LIG1: variants seen among roughly 807,000 people sequenced by gnomAD.
LIG1 encodes ligase I, DNA, ATP-dependent.
Under a neutral mutation model 115.7 loss-of-function variants are expected in LIG1, and 70 were observed. That is an observed-to-expected ratio of 0.60 (90% CI 0.50 to 0.74). The LOEUF (loss-of-function observed/expected upper bound fraction) is 0.74, where lower values mean the gene tolerates loss of function less well. LIG1 is among the 30% of genes least tolerant of loss of function. The pLI is 0.00. For synonymous variants in LIG1, 487 were observed against 495.3 expected (o/e 0.98, Z 0.22); for missense variants, 1,115 against 1,225.6 (o/e 0.91, Z 1.35).
intron 19 of LIG1, among the ~76,000 whole-genome samples, chr19:48,129,508 T>C (rs2033881296): frequency 6.6e-6 from 1 of 152,210 alleles, no homozygotes; most frequent in Admixed American, 6.5e-5. Flanking sequence ...GCAGGCCTGT[T>C]ACACTCCCAG....
intron 19 of LIG1, among the ~76,000 whole-genome samples, chr19:48,129,970 G>A (rs1467311339): frequency 6.6e-6 from 1 of 152,102 alleles, no homozygotes; most frequent in Non-Finnish European, 1.5e-5. Context: ...CAGCCAGGCT[G>A]GTCTTGAACT....
intron 10 of LIG1, 92 bp from the exon 11 acceptor site, chr19:48,143,691 C>T: frequency 1.6e-6 from 2 of 1,212,886 alleles, no homozygotes; most frequent in Non-Finnish European, 2.5e-6. Context: ...CTCCTCGGGA[C>T]ACCCTTGCCA....
intron 21 of LIG1, 88 bp downstream of exon 21, chr19:48,127,189 C>T (rs2033725303): frequency 6.5e-6 from 7 of 1,081,322 alleles, no homozygotes; most frequent in South Asian, 2.5e-5. Flanking sequence ...GTGGCAGAGT[C>T]GGAAATGGAA....
intron 1 of LIG1, among the ~76,000 whole-genome samples, chr19:48,167,781 G>A (rs1480030890): frequency 6.8e-6 from 1 of 147,534 alleles, no homozygotes; most frequent in Non-Finnish European, 1.5e-5. Context: ...AGCTGAGACT[G>A]CACCACTGGA....
At chr19:48,155,746 G>T (rs749780221) in intron 5 of LIG1, among the ~76,000 whole-genome samples, 1 of 152,148 alleles carries the variant, frequency 6.6e-6, no homozygotes, top group Non-Finnish European at 1.5e-5. Flanking sequence ...AAAATCCAAT[G>T]AACTCACTGC....
chr19:48,126,795 G>A (rs2033698633), intron 21 of LIG1, among the ~76,000 whole-genome samples: 1 of 150,534 alleles, frequency 6.6e-6, no homozygotes, highest in South Asian at 2.1e-4. Context: ...TATTGCCCAG[G>A]CTGGTCTTGA....
chr19:48,115,661 T>G lies in LIG1; in HGVS notation c.2748A>C (p.Glu916Asp), dbSNP rs1600294599. 6.2e-7 allele frequency: 1 copy of G among 1,613,696 alleles called. No homozygotes were observed. Among genetic ancestry groups the G allele is most frequent in the Non-Finnish European group, 8.5e-7 (1 of 1,179,536 alleles). The change falls in exon 28 of 28, where the codon GAA (glutamate) becomes GAC (aspartate). Residue 916 changes from glutamate (E) to aspartate (D), a missense_variant. Coordinates refer to ENST00000263274, the MANE Select transcript of LIG1 (RefSeq NM_000234.3). ...GGAGGGCGAGGGCTTAGTAGGTATC[T>G]TCAGGGTCAGAGCCTGAGTCCTCGC... ...QQGEDSGSDPEDTY is the reference protein window; with the variant it reads ...QQGEDSGSDPDDTY
intron 4 of LIG1, among the ~76,000 whole-genome samples, chr19:48,160,270 A>G (rs2036098152): frequency 6.6e-6 from 1 of 152,216 alleles, no homozygotes; most frequent in Non-Finnish European, 1.5e-5. Context: ...AGTTTCGCTG[A>G]GGAAGTGATA....
chr19:48,151,480 A>G (rs3730903), intron 6 of LIG1, 141 bp from the exon 7 acceptor site: 7,073 of 642,376 alleles, frequency 0.011, 379 homozygotes, highest in African/African-American at 0.11. Context: ...CCCAGGCTGG[A>G]GTGCAATGGT....
chr19:48,121,225 C>G lies in LIG1; in HGVS notation c.2330G>C (p.Gly777Ala), dbSNP rs761317989. 1 of 1,614,024 alleles carries G rather than the reference C, an allele frequency of 6.2e-7. No individual in the cohort carries two copies. Among genetic ancestry groups the G allele is most frequent in the South Asian group, 1.1e-5 (1 of 91,086 alleles). The part of the protein sequence containing the change: ...GRGKRAGRYG[G>A]FLLASYDEDS... ...CTCGTCGTAGGAGGCCAGCAGGAAGCCCCCGTACCGGCCGGCCCGCTTCCC... is the reference window on the plus strand; with the variant it reads ...CTCGTCGTAGGAGGCCAGCAGGAAGGCCCCGTACCGGCCGGCCCGCTTCCC... The change falls in exon 24 of 28, where the codon GGC becomes GCC. Residue 777 changes from glycine (G) to alanine (A), a missense_variant. Transcript: ENST00000263274.
At chr19:48,119,219 C>G in intron 24 of LIG1, 29 bp from the exon 25 acceptor site, 2 of 1,563,394 alleles carry the variant, frequency 1.3e-6, no homozygotes, top group Non-Finnish European at 8.7e-7. Flanking sequence ...AGGTCAGAGG[C>G]TCAGCCAGCC....
At chr19:48,148,342 C>T (rs929269539) in intron 9 of LIG1, among the ~76,000 whole-genome samples, 3 of 151,904 alleles carry the variant, frequency 2.0e-5, no homozygotes, top group Admixed American at 6.6e-5. Context: ...GGCTTGGTGG[C>T]GAGGCACCTG....
intron 21 of LIG1, among the ~76,000 whole-genome samples, chr19:48,125,259 G>A (rs2033586956): frequency 6.6e-6 from 1 of 152,172 alleles, no homozygotes; most frequent in Non-Finnish European, 1.5e-5. Context: ...GAGCAGGGAT[G>A]ATCAAATCCT....
At chr19:48,135,852 T>G (rs2034346845) in intron 15 of LIG1, 73 bp from the exon 16 acceptor site, 2 of 1,392,010 alleles carry the variant, frequency 1.4e-6, no homozygotes, top group Non-Finnish European at 2.0e-6. Flanking sequence ...GTGGGTGGTT[T>G]GCTGTATGGC....
At chr19:48,134,328 G>T (rs274893) in intron 16 of LIG1, among the ~76,000 whole-genome samples, 75,917 of 151,946 alleles carry the variant, frequency 0.5, 19,247 homozygotes, top group East Asian at 0.67. Flanking sequence ...CGGCTACACA[G>T]GAGACCACTC....
chr19:48,133,277 T>G (rs2288883), intron 17 of LIG1, 180 bp from the exon 18 acceptor site: 212,922 of 604,942 alleles, frequency 0.35, 40,361 homozygotes, highest in East Asian at 0.56. Flanking sequence ...CCCCCGGCCT[T>G]CCTTCCAGGT....
At chr19:48,154,905 C>T (rs1421064396) in intron 5 of LIG1, among the ~76,000 whole-genome samples, 8 of 152,130 alleles carry the variant, frequency 5.3e-5, no homozygotes, top group Non-Finnish European at 1.2e-4. Flanking sequence ...CCGATCCTAC[C>T]TAATCTCTCT....
At chr19:48,154,114 C>T in intron 5 of LIG1, 147 bp from the exon 6 acceptor site, 2 of 726,534 alleles carry the variant, frequency 2.8e-6, no homozygotes, top group South Asian at 1.4e-5. Context: ...CCAGTGCAGG[C>T]CGCACCCTTC....
At position 48,122,996 on chromosome 19, in the gene LIG1, C is replaced by A. The variant is rs1222628787; in HGVS notation, c.2170G>T (p.Val724Leu). The part of the protein sequence containing the change: ...SVKDSCEGLM[V>L]KTLDVDATYE... ...GTGGCATCAACATCCAGGGTCTTCACCATCAGCCCCTCGCAGGAGTCTGAG... is the reference window on the plus strand; with the variant it reads ...GTGGCATCAACATCCAGGGTCTTCAACATCAGCCCCTCGCAGGAGTCTGAG... Residue 724 changes from valine to leucine, a missense_variant, in exon 23 of 28, where the codon GTG becomes TTG. Coordinates refer to ENST00000263274, the MANE Select transcript of LIG1 (RefSeq NM_000234.3). This position sits in a 1 kb window ranked among gnomAD's most constrained non-coding sequence, Gnocchi z 4.3. 1 of 1,613,774 alleles carries A rather than the reference C, an allele frequency of 6.2e-7. No individual in the cohort carries two copies. The highest frequency in any genetic ancestry group is 1.1e-5 in the South Asian group (1 of 91,042).
Sources: allele counts gnomAD v4.1 joint callset (sites outside exome capture counted in the v4.1 genomes callset), GRCh38; gene constraint gnomAD v4.1.1; non-coding constraint Gnocchi (gnomAD v3.1); transcripts MANE v1.5; gene names NCBI Gene and HGNC (gene_info 2026-07-23, HGNC 2026-07-21).